The following DHRS4 variants were observed in gnomAD, a reference collection of about 807,000 sequenced individuals.
DHRS4 encodes dehydrogenase/reductase SDR family member 4.
A neutral mutation model predicts 28.4 loss-of-function variants in DHRS4; 20 were observed. The observed-to-expected ratio is 0.71, with a 90% confidence interval of 0.50 to 1.02. DHRS4 has a LOEUF of 1.02. Ranked by LOEUF, DHRS4 falls within the 50% of genes least tolerant of loss-of-function variation. The pLI is 0.00. For missense variants in DHRS4, 378 were observed against 367.2 expected, an observed-to-expected ratio of 1.03 and a Z score of -0.24; for synonymous variants, 144 against 146.4, an observed-to-expected ratio of 0.98 and a Z score of 0.12.
rs1566464646 is a variant in DHRS4 at position 23,953,856 on chromosome 14, G to T, written c.68G>T (p.Gly23Val). ...AATTCGGTGCGGATGGCCAGCTCCG[G>T]GATGACCCGCCGGGACCCGCTCGCA... ...AWNSVRMASS[G>V]MTRRDPLANK... Residue 23 changes from glycine to valine, a missense_variant, in exon 1 of 8, where the codon GGG becomes GTG. Gly to Val is a moderately radical substitution (Grantham distance 109). Coordinates refer to ENST00000313250, the MANE Select transcript of DHRS4 (RefSeq NM_021004.4). 6.2e-7 allele frequency: 1 copy of T among 1,613,384 alleles called. No individual in the cohort carries two copies. The highest frequency in any genetic ancestry group is 1.3e-5 in the African/African-American group (1 of 74,874).
In DHRS4 at chr14:23,955,134, G is replaced by A. The variant is rs749428215; in HGVS notation, c.228G>A (p.Leu76=). The change falls in exon 2 of 8, where the codon CTG becomes CTA. Residue 76 remains leucine (L), a synonymous_variant. Coordinates refer to ENST00000313250, the MANE Select transcript of DHRS4 (RefSeq NM_021004.4). ...ATGTGGACCAGGCGGTGGCCACGCT[G>A]CAGGGGGAGGGGCTGAGCGTGACGG... ...QQNVDQAVAT[L]QGEGLSVTGT... 2 of 1,613,906 alleles carry A rather than the reference G, an allele frequency of 1.2e-6. No homozygotes were observed. Among genetic ancestry groups the A allele is most frequent in the Non-Finnish European group, 1.7e-6 (2 of 1,179,918 alleles).
chr14:23,953,866 C>T lies in DHRS4; in HGVS notation c.78C>T (p.Arg26=), dbSNP rs2032950452. The T allele has an allele frequency of 6.2e-7, 1 of 1,612,802 alleles. No individual in the cohort carries two copies. The highest frequency in any genetic ancestry group is 8.5e-7 in the Non-Finnish European group (1 of 1,179,428). Residue 26 remains arginine (R), a synonymous_variant, in exon 1 of 8, where the codon CGC becomes CGT. Transcript: ENST00000313250. ...GGATGGCCAGCTCCGGGATGACCCG[C>T]CGGGACCCGCTCGCAAATAAGGTGG... is the stretch of plus-strand genomic sequence containing the variant. The part of the protein sequence containing the change: ...SVRMASSGMT[R]RDPLANKVAL...
Position 23,966,498 on chromosome 14 carries a change from G to C in DHRS4, c.666+81G>C. The C allele has an allele frequency of 4.4e-6, 7 of 1,585,014 alleles. No individual in the cohort carries two copies. In the South Asian group the frequency reaches 5.8e-5, roughly 13 times the overall value. ...TTGGACAGGGAAGCCCACTACCTGAGTCCTGAGCTCTCAGCCACTCCATTC... is the reference window on the plus strand; with the variant it reads ...TTGGACAGGGAAGCCCACTACCTGACTCCTGAGCTCTCAGCCACTCCATTC... On this transcript the variant is annotated intron_variant, in intron 6 of 7. Transcript: ENST00000313250.
Position 23,968,940 on chromosome 14 carries a change from T to G in DHRS4, c.*69T>G, listed in dbSNP as rs2033754422. ...TGGTGCTGTTCCCGCATTCACCCAC[T>G]GGCCTTTCCCACCTCTGCTCACCTT... On this transcript the variant is annotated 3_prime_UTR_variant, in exon 8 of 8. Transcript: ENST00000313250. The G allele has an allele frequency of 6.3e-7, 1 of 1,590,204 alleles. No individual in the cohort carries two copies. Among genetic ancestry groups the G allele is most frequent in the African/African-American group, 1.3e-5 (1 of 74,234 alleles).
At chr14:23,964,281 T>C (rs1305421096) in intron 3 of DHRS4, among the ~76,000 whole-genome samples, 1 of 75,718 alleles carries the variant, frequency 1.3e-5, no homozygotes, top group Admixed American at 1.3e-4. Flanking sequence ...CATAAGAAAA[T>C]ATGTGTCTAT....
intron 7 of DHRS4, 28 bp from the exon 8 acceptor site, chr14:23,968,729 C>G (rs201391724): frequency 3.7e-6 from 6 of 1,603,880 alleles, no homozygotes; most frequent in Admixed American, 1.7e-5. Flanking sequence ...TGATTTTTAC[C>G]TCCTTCCTTG....
At position 23,962,803 on chromosome 14, in the gene DHRS4, C is replaced by A. The variant is rs991980316; in HGVS notation, c.408+2800C>A. Among the ~76,000 whole-genome samples the A allele has an allele frequency of 3.7e-4, 56 of 150,374 alleles. 2 individuals are homozygous for A. The highest frequency in any genetic ancestry group is 1.4e-3 in the African/African-American group (54 of 39,724). On this transcript the variant is annotated intron_variant, in intron 3 of 7. Transcript: ENST00000313250. ...GTTTTCAGTTAACTTTGCCGAGATC[C>A]ATCAGAGGAATCACTATCCATGGCA... is the stretch of plus-strand genomic sequence containing the variant.
At chr14:23,966,460 G>A (rs773002881) in intron 6 of DHRS4, 43 bp downstream of exon 6, 24 of 1,610,382 alleles carry the variant, frequency 1.5e-5, no homozygotes, top group South Asian at 9.9e-5. Flanking sequence ...CCCCTTGAAA[G>A]GCATCCATCT....
At chr14:23,959,681 T>C (rs1479935739) in intron 2 of DHRS4, among the ~76,000 whole-genome samples, 2 of 151,450 alleles carry the variant, frequency 1.3e-5, no homozygotes, top group Non-Finnish European at 2.9e-5. Context: ...TTGTTGTCAT[T>C]GTTGTTGTTG....
chr14:23,961,240 A>G (rs1187972031), intron 3 of DHRS4, among the ~76,000 whole-genome samples: 1 of 150,230 alleles, frequency 6.7e-6, no homozygotes, highest in Non-Finnish European at 1.5e-5. Flanking sequence ...CCAGTGTTTC[A>G]TACACATAAA....
rs941934346 is a variant in DHRS4 at position 23,967,120 on chromosome 14, G to C, written c.667-91G>C. The stretch of plus-strand genomic sequence containing the variant: ...AGTGAGCCAAGATAGCGCCACTACA[G>C]TCCGGCCTGGGCAAAAGAGCAAGAC... On this transcript the variant is annotated intron_variant, in intron 6 of 7. Transcript: ENST00000313250. The C allele has an allele frequency of 2.6e-5, 39 of 1,510,262 alleles. No homozygotes were observed. The African/African-American group carries it at 4.4e-4, about 17-fold the overall frequency. The allele number at this position is 1,510,262 out of a possible 1,614,324, so 93.6% of individuals were successfully genotyped here. A position where few individuals can be genotyped will look rare whatever the true frequency, so the allele number is the denominator to read the frequency against.
intron 2 of DHRS4, among the ~76,000 whole-genome samples, chr14:23,956,697 A>G (rs1185958630): frequency 6.8e-6 from 1 of 146,080 alleles, no homozygotes; most frequent in Non-Finnish European, 1.5e-5. Context: ...CTCCGCCTCC[A>G]GGTTCAAGCA....
At chr14:23,964,991 T>TA (rs1339705785) in intron 3 of DHRS4, among the ~76,000 whole-genome samples, 1 of 151,618 alleles carries the variant, frequency 6.6e-6, no homozygotes, top group African/African-American at 2.4e-5. Flanking sequence ...ATGGTTCATT[T>TA]AAAAAACTGT....
At chr14:23,957,061 T>A (rs1433235253) in intron 2 of DHRS4, among the ~76,000 whole-genome samples, 2 of 152,078 alleles carry the variant, frequency 1.3e-5, no homozygotes, top group African/African-American at 4.8e-5. Flanking sequence ...AGGAAGGATA[T>A]ACAGAGGAGA....
At chr14:23,967,109 G>A (rs2033654539) in intron 6 of DHRS4, 102 bp from the exon 7 acceptor site, 3 of 1,457,838 alleles carry the variant, frequency 2.1e-6, no homozygotes, top group East Asian at 2.5e-5. Context: ...AGCCAAGATA[G>A]CGCCACTACA....
In DHRS4 at chr14:23,968,911, C is replaced by G; in HGVS notation, c.*40C>G. On this transcript the variant is annotated 3_prime_UTR_variant, in exon 8 of 8. Transcript: ENST00000313250. ...CCCACAGGCCAGAGTTGGGCTCTAG[C>G]TCCTGGTGCTGTTCCCGCATTCACC... The G allele has an allele frequency of 6.2e-7, 1 of 1,605,108 alleles. No individual in the cohort carries two copies. The highest frequency in any genetic ancestry group is 1.1e-5 in the South Asian group (1 of 89,878).
rs1277706674 is a variant in DHRS4 at position 23,953,826 on chromosome 14, C to T, written c.38C>T (p.Ala13Val). 6.2e-7 allele frequency: 1 copy of T among 1,614,126 alleles called. No individual in the cohort carries two copies. Among genetic ancestry groups the T allele is most frequent in the Non-Finnish European group, 8.5e-7 (1 of 1,179,990 alleles). Reference sequence around the variant, plus strand: ...GGGCTGCTAGGCCTCTGTGCCCGGGCTTGGAATTCGGTGCGGATGGCCAGC... The same window carrying T: ...GGGCTGCTAGGCCTCTGTGCCCGGGTTTGGAATTCGGTGCGGATGGCCAGC... ...KAGLLGLCAR[A>V]WNSVRMASSG... The change falls in exon 1 of 8, where the codon GCT becomes GTT. Residue 13 changes from alanine to valine, a missense_variant. By Grantham distance (64) the Ala-to-Val change is moderately conservative (BLOSUM62 0). Coordinates refer to ENST00000313250, the MANE Select transcript of DHRS4 (RefSeq NM_021004.4).
In DHRS4 at chr14:23,953,914, C is replaced by T. The variant is rs759876366; in HGVS notation, c.126C>T (p.Asp42=). 1.1e-5 allele frequency: 17 copies of T among 1,585,702 alleles called. No homozygotes were observed. The highest frequency in any genetic ancestry group is 1.9e-4 in the Middle Eastern group (1 of 5,198). The change falls in exon 1 of 8, where the codon GAC becomes GAT. Residue 42 remains aspartate, a splice_region_variant and synonymous_variant. Coordinates refer to ENST00000313250, the MANE Select transcript of DHRS4 (RefSeq NM_021004.4). ...TGGCCCTGGTAACGGCCTCCACCGACGGGTGAGTGCTCCGGCCGGAGTTTC... is the reference window on the plus strand; with the variant it reads ...TGGCCCTGGTAACGGCCTCCACCGATGGGTGAGTGCTCCGGCCGGAGTTTC... ...NKVALVTAST[D]GIGFAIARRL...
chr14:23,956,372 A>C (rs1397337662), intron 2 of DHRS4, among the ~76,000 whole-genome samples: 2 of 152,340 alleles, frequency 1.3e-5, no homozygotes, highest in East Asian at 3.9e-4. Flanking sequence ...CATGGCCTAC[A>C]GGCCTGGCCC....
Sources: gnomAD v4.1 joint callset for allele counts (sites outside exome capture counted in the v4.1 genomes callset) on GRCh38, gnomAD v4.1.1 for gene constraint, MANE v1.5 for transcripts, NCBI Gene and HGNC (gene_info 2026-07-23, HGNC 2026-07-21) for gene names.